The following CCDC77 variants were observed in gnomAD, a reference collection of about 807,000 sequenced individuals.
The protein encoded by CCDC77 is coiled-coil domain-containing protein 77.
CCDC77 carries 56 observed loss-of-function variants against 66.8 expected under a neutral mutation model. The observed-to-expected ratio is 0.84, with a 90% CI of 0.68 to 1.05. The LOEUF (loss-of-function observed/expected upper bound fraction) is 1.05. Among genes scored for constraint, CCDC77 ranks in the 50% least tolerant of loss-of-function variants. CCDC77 has a pLI of 0.00. For missense variants in CCDC77, 570 were observed against 576.8 expected, an observed-to-expected ratio of 0.99 and a Z score of 0.12; for synonymous variants, 196 against 195.2, an observed-to-expected ratio of 1.00 and a Z score of -0.03.
At chr12:435,229 A>C (rs367999529) in intron 9 of CCDC77, among the ~76,000 whole-genome samples, 5 of 147,260 alleles carry the variant, frequency 3.4e-5, no homozygotes, top group African/African-American at 1.3e-4. Context: ...TCATGGTATC[A>C]CATGTATTCC....
intron 5 of CCDC77, among the ~76,000 whole-genome samples, chr12:423,495 T>G (rs867789064): frequency 6.4e-5 from 2 of 31,408 alleles, no homozygotes; most frequent in African/African-American, 1.3e-4. Flanking sequence ...TTTTGTTTTG[T>G]TTTTTTTTTT....
At chr12:405,840 C>T (rs371903138) in intron 2 of CCDC77, among the ~76,000 whole-genome samples, 47 of 152,126 alleles carry the variant, frequency 3.1e-4, no homozygotes, top group African/African-American at 1.1e-3. Flanking sequence ...AGATAAAAAC[C>T]CGCTGCCTTT....
chr12:431,796 T>C (rs1945656829), intron 7 of CCDC77, 70 bp from the exon 8 acceptor site: 2 of 969,634 alleles, frequency 2.1e-6, no homozygotes, highest in East Asian at 2.4e-5. Context: ...GCGTGGGAAA[T>C]ACTGATATTT....
At chr12:423,696 C>T (rs528870398) in intron 5 of CCDC77, among the ~76,000 whole-genome samples, 1 of 151,658 alleles carries the variant, frequency 6.6e-6, no homozygotes, top group South Asian at 2.1e-4. Flanking sequence ...GGGGTTTCCC[C>T]GTTTTGCCCA....
intron 4 of CCDC77, among the ~76,000 whole-genome samples, chr12:417,914 T>C (rs2137570935): frequency 6.8e-6 from 1 of 147,462 alleles, no homozygotes; most frequent in South Asian, 2.2e-4. Context: ...AAAAAAAAAG[T>C]GTGGATAGAA....
chr12:422,729 G>A (rs1221699009), intron 5 of CCDC77, among the ~76,000 whole-genome samples: 1 of 152,182 alleles, frequency 6.6e-6, no homozygotes, highest in Non-Finnish European at 1.5e-5. Context: ...ACCCACCTCA[G>A]CCTCTTGAGT....
intron 3 of CCDC77, among the ~76,000 whole-genome samples, chr12:409,974 G>A (rs576805474): frequency 6.6e-6 from 1 of 150,382 alleles, no homozygotes; most frequent in Non-Finnish European, 1.5e-5. Context: ...CTCCAGCCTG[G>A]GCAACAGAGC....
At chr12:408,931 C>T (rs1002604809) in intron 2 of CCDC77, among the ~76,000 whole-genome samples, 1 of 152,054 alleles carries the variant, frequency 6.6e-6, no homozygotes. Flanking sequence ...TTAGGCCGGG[C>T]GTGGTGGCTC....
At position 433,287 on chromosome 12, in the gene CCDC77, G is replaced by C; in HGVS notation, c.786G>C (p.Gln262His). Residue 262 changes from glutamine (Q) to histidine (H), a missense_variant, in exon 9 of 13, where the codon CAG becomes CAC. Coordinates refer to ENST00000239830, the MANE Select transcript of CCDC77 (RefSeq NM_032358.4). ...TTGAGGAAATACAAGTTCAGCACCA[G>C]AGAAATCAGAACAAAATCAAAGAGC... ...IHLEEIQVQH[Q>H]RNQNKIKELT... is the part of the protein sequence containing the mutation. 2 of 1,614,044 alleles carry C rather than the reference G, an allele frequency of 1.2e-6. No individual in the cohort carries two copies. The highest frequency in any genetic ancestry group is 2.2e-5 in the South Asian group (2 of 91,066).
At chr12:429,457 G>A (rs368705586) in intron 6 of CCDC77, among the ~76,000 whole-genome samples, 20 of 145,128 alleles carry the variant, frequency 1.4e-4, no homozygotes, top group Middle Eastern at 7.4e-3. Context: ...CCTTGGCCAA[G>A]AGCTACTTTT....
intron 3 of CCDC77, among the ~76,000 whole-genome samples, chr12:410,743 A>C (rs1176785477): frequency 6.9e-6 from 1 of 144,266 alleles, no homozygotes; most frequent in Non-Finnish European, 1.5e-5. Flanking sequence ...ACTAGGTTTC[A>C]CTATGTTGGC....
intron 9 of CCDC77, 99 bp from the exon 10 acceptor site, chr12:438,236 C>A: frequency 1.2e-6 from 1 of 813,796 alleles, no homozygotes; most frequent in Non-Finnish European, 1.9e-6. Flanking sequence ...TATATCACAC[C>A]ATTTTAAAAG....
At chr12:435,216 G>A (rs993240982) in intron 9 of CCDC77, among the ~76,000 whole-genome samples, 1 of 148,564 alleles carries the variant, frequency 6.7e-6, no homozygotes, top group African/African-American at 2.5e-5. Context: ...GTTTCATCTA[G>A]TTTCATGGTA....
intron 1 of CCDC77, chr12:389,670 G>A (rs182723409): frequency 5.5e-6 from 1 of 182,254 alleles, no homozygotes; most frequent in Non-Finnish European, 1.2e-5. Flanking sequence ...CCGGTGAGGA[G>A]GGTCCCTTTC....
intron 5 of CCDC77, 22 bp downstream of exon 5, chr12:418,658 A>T: frequency 6.2e-6 from 10 of 1,604,948 alleles, no homozygotes; most frequent in Non-Finnish European, 8.5e-6. Context: ...GAGAAGGGAA[A>T]TGTTGGAGTT....
intron 1 of CCDC77, among the ~76,000 whole-genome samples, chr12:396,490 A>G (rs1446677856): frequency 6.6e-6 from 1 of 152,202 alleles, no homozygotes; most frequent in Non-Finnish European, 1.5e-5. Context: ...AGTATACGGG[A>G]GGGTGTGCAT....
intron 7 of CCDC77, 35 bp downstream of exon 7, chr12:430,771 A>C: frequency 1.3e-6 from 2 of 1,521,802 alleles, no homozygotes; most frequent in Non-Finnish European, 1.8e-6. Flanking sequence ...AATTCTCATC[A>C]ATGCAGAATT....
At chr12:414,465 C>T (rs900102846) in intron 4 of CCDC77, among the ~76,000 whole-genome samples, 2 of 152,198 alleles carry the variant, frequency 1.3e-5, no homozygotes, top group Non-Finnish European at 2.9e-5. Context: ...CCATTAACAA[C>T]TCTCTTTCCT....
intron 5 of CCDC77, among the ~76,000 whole-genome samples, chr12:428,335 AC>A (rs1945573591): frequency 6.6e-6 from 1 of 151,882 alleles, no homozygotes; most frequent in Non-Finnish European, 1.5e-5. Flanking sequence ...ACACAGTGAA[AC>A]CCTGTCTCTA....
Sources: allele counts gnomAD v4.1 joint callset (sites outside exome capture counted in the v4.1 genomes callset), GRCh38; gene constraint gnomAD v4.1.1; transcripts MANE v1.5; gene names NCBI Gene and HGNC (gene_info 2026-07-23, HGNC 2026-07-21).